Variants in GEN1 observed in about 807,000 individuals in gnomAD.
GEN1 encodes the protein GEN1 structure-specific endonuclease, also known as flap endonuclease GEN homolog 1.
In GEN1, 64 loss-of-function variants were observed where a neutral mutation model predicts 67.6. The ratio of observed to expected loss-of-function variants is 0.95; its 90% confidence interval spans 0.77 to 1.17. The LOEUF is 1.17. GEN1 is among the 50% of genes most tolerant of loss of function. The probability of loss-of-function intolerance (pLI) is 0.00; values close to 1 mark genes in which losing one functional copy is unlikely to be tolerated. For synonymous variants in GEN1, 371 were observed against 359.4 expected (o/e 1.03, Z -0.37); for missense variants, 1,058 against 1,048.3 (o/e 1.01, Z -0.13).
intron 1 of GEN1, among the ~76,000 whole-genome samples, chr2:17,758,982 A>G (rs1283176957): frequency 6.6e-6 from 1 of 152,234 alleles, no homozygotes; most frequent in Non-Finnish European, 1.5e-5. Context: ...CCCATGGGCA[A>G]TTTGAGAAAA....
At position 17,780,820 on chromosome 2, in the gene GEN1, A is replaced by G. The variant is rs757321746; in HGVS notation, c.1608A>G (p.Pro536=). ...GCTTGCTTTTACCTAAAAATACTCC[A>G]TGTTTGAATGCACAAGAACAGTTCA... The part of the protein sequence containing the change: ...LNSLLLPKNT[P]CLNAQEQFMS... Residue 536 remains proline, a synonymous_variant, in exon 14 of 14, where the codon CCA becomes CCG. Transcript: ENST00000381254. The G allele has an allele frequency of 2.5e-6, 4 of 1,613,958 alleles. No individual in the cohort carries two copies. The highest frequency in any genetic ancestry group is 4.5e-5 in the East Asian group (2 of 44,854).
intron 1 of GEN1, chr2:17,755,295 T>C (rs1671366211): frequency 6.6e-6 from 1 of 152,208 alleles, no homozygotes; most frequent in African/African-American, 2.4e-5. Context: ...GGACCTTTTT[T>C]CCTAAATACA....
chr2:17,764,254 G>A (rs1390374405), intron 3 of GEN1, among the ~76,000 whole-genome samples: 2 of 152,032 alleles, frequency 1.3e-5, no homozygotes, highest in Non-Finnish European at 2.9e-5. Flanking sequence ...GGCAAGATGA[G>A]AAAAAAATGC....
In GEN1 at chr2:17,781,799, G is replaced by A. The variant is rs1672852987; in HGVS notation, c.2587G>A (p.Glu863Lys). ...CAGATCTTATGAAACAGCTGAAAATGAAGAAAGCTGTTTCCCAGATTCAAC... is the reference window on the plus strand; with the variant it reads ...CAGATCTTATGAAACAGCTGAAAATAAAGAAAGCTGTTTCCCAGATTCAAC... ...CVRSYETAEN[E>K]ESCFPDSTKS... Residue 863 changes from glutamate (E) to lysine (K), a missense_variant, in exon 14 of 14, where the codon GAA (glutamate) becomes AAA (lysine). By Grantham distance (56) the Glu-to-Lys change is moderately conservative. Coordinates refer to ENST00000381254, the MANE Select transcript of GEN1 (RefSeq NM_001130009.3). 1 of 1,609,716 alleles carries A rather than the reference G, an allele frequency of 6.2e-7. No individual in the cohort carries two copies. Among genetic ancestry groups the A allele is most frequent in the Non-Finnish European group, 8.5e-7 (1 of 1,177,822 alleles).
chr2:17,764,370 A>G (rs1419921224), intron 3 of GEN1, among the ~76,000 whole-genome samples: 1 of 152,238 alleles, frequency 6.6e-6, no homozygotes, highest in Non-Finnish European at 1.5e-5. Context: ...TCTAGATGTA[A>G]ATCTTAATAT....
chr2:17,764,715 A>G (rs1671841194), intron 3 of GEN1, among the ~76,000 whole-genome samples, 182 bp from the exon 4 acceptor site: 1 of 152,250 alleles, frequency 6.6e-6, no homozygotes, highest in African/African-American at 2.4e-5. Flanking sequence ...TTGGCAGTTC[A>G]TTCCTTAAAG....
At chr2:17,779,890 G>A (rs1232477920) in intron 12 of GEN1, 88 bp from the exon 13 acceptor site, 2 of 1,079,316 alleles carry the variant, frequency 1.9e-6, no homozygotes, top group Non-Finnish European at 1.3e-6. Context: ...AAAATGCTGG[G>A]ATTACAGGTG....
rs533485547 is a variant in GEN1, at chr2:17,785,899, T to G, written c.*3960T>G. On this transcript the variant is annotated 3_prime_UTR_variant, in exon 14 of 14. Coordinates refer to ENST00000381254, the MANE Select transcript of GEN1 (RefSeq NM_001130009.3). ...GGGCGAAAAAGTGTCTAAAAAAAATTAAAATTTAAATTAAAAAAAAATATA... is the reference window on the plus strand; with the variant it reads ...GGGCGAAAAAGTGTCTAAAAAAAATGAAAATTTAAATTAAAAAAAAATATA... 6.6e-6 allele frequency: 1 copy of G among 152,196 alleles called. No individual in the cohort carries two copies. The highest frequency in any genetic ancestry group is 2.1e-4 in the South Asian group (1 of 4,816). 9.4% of individuals were successfully genotyped at this position (152,196 alleles called of 1,614,324 possible). A position where few individuals can be genotyped will look rare whatever the true frequency, so the allele number is the denominator to read the frequency against.
chr2:17,781,465 T>C lies in GEN1; in HGVS notation c.2253T>C (p.Asn751=), dbSNP rs752459047. 1 of 1,613,590 alleles carries C rather than the reference T, an allele frequency of 6.2e-7. No homozygotes were observed. ...DQLLQEDYKV[N]TSVPYSVSNT... is the part of the protein sequence containing the mutation. ...TGCTTCAAGAAGACTATAAAGTCAA[T>C]ACTTCTGTCCCTTATTCTGTCAGTA... Residue 751 remains asparagine (N), a synonymous_variant, in exon 14 of 14, where the codon AAT becomes AAC. Coordinates refer to ENST00000381254, the MANE Select transcript of GEN1 (RefSeq NM_001130009.3).
At position 17,768,678 on chromosome 2, in the gene GEN1, TAC is replaced by T. The variant is rs1672042498; in HGVS notation, c.637-59_637-58del. The T allele has an allele frequency of 3.3e-6, 4 of 1,218,196 alleles. No individual in the cohort carries two copies. The African/African-American group carries it at 6.0e-5, about 18-fold the overall frequency. The allele number at this position is 1,218,196 out of a possible 1,614,324, so 75.5% of individuals were successfully genotyped here. A position where few individuals can be genotyped will look rare whatever the true frequency, so the allele number is the denominator to read the frequency against. On this transcript the variant is annotated intron_variant, in intron 5 of 13. Transcript: ENST00000381254. ...TGCTGACTCTTCCGTTCAATTAATA[TAC>T]TTTTAACCATTCCTAGTGATTAACA...
chr2:17,780,587 A>C (rs970233135), intron 13 of GEN1, 34 bp from the exon 14 acceptor site: 2 of 1,333,424 alleles, frequency 1.5e-6, no homozygotes, highest in African/African-American at 2.9e-5. Context: ...CAAAGAAAAT[A>C]AATGTTGATT....
At position 17,782,310 on chromosome 2, in the gene GEN1, ACTTCT is replaced by A. The variant is rs544562810; in HGVS notation, c.*376_*380del. 3.5e-4 allele frequency: 55 copies of A among 156,170 alleles called. No homozygotes were observed. Among genetic ancestry groups the A allele is most frequent in the Admixed American group, 1.5e-3 (23 of 15,452 alleles). The allele number at this position is 156,170 out of a possible 1,614,324, so 9.7% of individuals were successfully genotyped here. A position where few individuals can be genotyped will look rare whatever the true frequency, so the allele number is the denominator to read the frequency against. ...TGTTCCCAAGAGGATAATTCTTTAT[ACTTCT>A]CTTCATTCTTTTAAGGCCTTGCAAG... On this transcript the variant is annotated 3_prime_UTR_variant, in exon 14 of 14. Coordinates refer to ENST00000381254, the MANE Select transcript of GEN1 (RefSeq NM_001130009.3).
chr2:17,780,502 C>A (rs1222741842), intron 13 of GEN1, 119 bp from the exon 14 acceptor site: 13 of 657,062 alleles, frequency 2.0e-5, no homozygotes, highest in Middle Eastern at 4.3e-4. Flanking sequence ...GCACTGAGAT[C>A]AAAAAAAGGC....
chr2:17,760,069 AAAAAT>A lies in GEN1; in HGVS notation c.127_131del (p.Lys43AspfsTer40). 1 of 1,614,138 alleles carries A rather than the reference AAAAAT, an allele frequency of 6.2e-7. No homozygotes were observed. On this transcript the variant is annotated frameshift_variant, in exon 2 of 14. Transcript: ENST00000381254. LOFTEE classifies it high-confidence loss of function. ...GGGTGTGTGAGGCACAGACAGTCAA[AAAAAT>A]GATGGGCAGCGTCATGAAGCCCCAC...
chr2:17,753,343 G>T (rs1248836721), upstream of GEN1, among the ~76,000 whole-genome samples: 9 of 151,996 alleles, frequency 5.9e-5, no homozygotes, highest in Non-Finnish European at 1.3e-4. Context: ...CCGCCTGGGA[G>T]GGGACGGCCG....
Position 17,764,950 on chromosome 2 carries a change from A to G in GEN1, c.402A>G (p.Glu134=), listed in dbSNP as rs1241285319. 3.1e-6 allele frequency: 5 copies of G among 1,614,120 alleles called. No homozygotes were observed. Among genetic ancestry groups the G allele is most frequent in the Non-Finnish European group, 4.2e-6 (5 of 1,179,986 alleles). ...LGIPWVQAAG[E]AEAMCAYLNA... ...TCCCCTGGGTTCAGGCTGCTGGGGA[A>G]GCTGAAGCCATGTGTGCTTATCTCA... is the stretch of plus-strand genomic sequence containing the variant. The change falls in exon 4 of 14, where the codon GAA becomes GAG. Residue 134 remains glutamate (E), a synonymous_variant. Transcript: ENST00000381254.
At chr2:17,757,263 T>A (rs912029572) in intron 1 of GEN1, among the ~76,000 whole-genome samples, 1 of 149,764 alleles carries the variant, frequency 6.7e-6, no homozygotes, top group African/African-American at 2.5e-5. Flanking sequence ...TTTTTTTTTT[T>A]AGGCATGGCT....
At position 17,785,893 on chromosome 2, in the gene GEN1, AAAAATT is replaced by A. The variant is rs1459529352; in HGVS notation, c.*3961_*3966del. The A allele has an allele frequency of 6.6e-6, 1 of 152,218 alleles. No homozygotes were observed. The highest frequency in any genetic ancestry group is 6.5e-5 in the Admixed American group (1 of 15,280). The allele number at this position is 152,218 out of a possible 1,614,324, so 9.4% of individuals were successfully genotyped here. A position where few individuals can be genotyped will look rare whatever the true frequency, so the allele number is the denominator to read the frequency against. On this transcript the variant is annotated 3_prime_UTR_variant, in exon 14 of 14. Coordinates refer to ENST00000381254, the MANE Select transcript of GEN1 (RefSeq NM_001130009.3). ...CAGGATGGGCGAAAAAGTGTCTAAA[AAAAATT>A]AAAATTTAAATTAAAAAAAAATATA... is the stretch of plus-strand genomic sequence containing the variant.
chr2:17,756,330 G>T (rs1377808006), intron 1 of GEN1, among the ~76,000 whole-genome samples: 1 of 152,184 alleles, frequency 6.6e-6, no homozygotes, highest in South Asian at 2.1e-4. Flanking sequence ...TATTTGCTAT[G>T]TGTTGTTCTT....
Sources: allele counts gnomAD v4.1 joint callset (sites outside exome capture counted in the v4.1 genomes callset), GRCh38; gene constraint gnomAD v4.1.1; transcripts MANE v1.5; gene names NCBI Gene and HGNC (gene_info 2026-07-23, HGNC 2026-07-21).